Variants in PDE10A observed in about 807,000 individuals in gnomAD.
PDE10A encodes cAMP and cAMP-inhibited cGMP 3',5'-cyclic phosphodiesterase 10A.
PDE10A carries 39 observed loss-of-function variants against 97.7 expected under a neutral mutation model. The ratio of observed to expected loss-of-function variants is 0.40; its 90% CI spans 0.31 to 0.52. The LOEUF (loss-of-function observed/expected upper bound fraction) is 0.52, where lower values mean the gene tolerates loss of function less well. PDE10A is among the 20% of genes least tolerant of loss of function. PDE10A has a pLI of 0.56. For missense variants in PDE10A, 731 were observed against 1,047.8 expected (o/e 0.70, Z 4.17); for synonymous variants, 371 against 376.8 (o/e 0.98, Z 0.18).
intron 18 of PDE10A, among the ~76,000 whole-genome samples, chr6:165,369,507 AGCG>A (rs1228713339): frequency 8.7e-6 from 1 of 114,918 alleles, no homozygotes; most frequent in African/African-American, 4.2e-5. Context: ...AATGAAATGA[AGCG>A]AGAAGGAAGT....
chr6:165,641,454 T>C (rs1562652145), intron 1 of PDE10A, among the ~76,000 whole-genome samples: 1 of 152,216 alleles, frequency 6.6e-6, no homozygotes, highest in Non-Finnish European at 1.5e-5. Flanking sequence ...TAAAGGTTGA[T>C]GTCTGAACTA....
At chr6:165,837,146 A>G (rs1293762203) in intron 1 of PDE10A, among the ~76,000 whole-genome samples, 1 of 151,788 alleles carries the variant, frequency 6.6e-6, no homozygotes, top group African/African-American at 2.4e-5. Flanking sequence ...ACATGTATAC[A>G]TATGTAACTA....
intron 1 of PDE10A, among the ~76,000 whole-genome samples, chr6:165,616,385 C>G (rs1334595453): frequency 6.6e-6 from 1 of 152,144 alleles, no homozygotes; most frequent in Non-Finnish European, 1.5e-5. Flanking sequence ...CATGAAGTAG[C>G]TGCTCCTTGG....
intron 1 of PDE10A, among the ~76,000 whole-genome samples, chr6:165,690,853 G>C (rs998611910): frequency 6.6e-6 from 1 of 152,180 alleles, no homozygotes; most frequent in Non-Finnish European, 1.5e-5. Flanking sequence ...AGGTACATGA[G>C]GGTGCTTCTG....
At chr6:165,943,209 A>AGG (rs1783606668) in intron 1 of PDE10A, among the ~76,000 whole-genome samples, 5 of 87,810 alleles carry the variant, frequency 5.7e-5, no homozygotes, top group African/African-American at 1.1e-4. Flanking sequence ...GAAAGAAAGA[A>AGG]AGAAAGAAAG....
chr6:165,878,006 C>T (rs987877192), intron 1 of PDE10A, among the ~76,000 whole-genome samples: 3 of 152,104 alleles, frequency 2.0e-5, no homozygotes, highest in Admixed American at 2.0e-4. Context: ...TATGCAACAC[C>T]CTCCACTGCA....
intron 1 of PDE10A, among the ~76,000 whole-genome samples, chr6:165,941,171 C>A (rs1480299809): frequency 1.3e-5 from 2 of 152,160 alleles, no homozygotes; most frequent in Admixed American, 1.3e-4. Context: ...GGTATAGTAA[C>A]ATTTACACAC....
At chr6:165,458,299 C>T (rs992774081) in intron 3 of PDE10A, among the ~76,000 whole-genome samples, 1 of 152,046 alleles carries the variant, frequency 6.6e-6, no homozygotes, top group Admixed American at 6.6e-5. Context: ...AAATCTTAAC[C>T]CCCACTGTGA....
intron 7 of PDE10A, among the ~76,000 whole-genome samples, chr6:165,432,643 A>G (rs748232992): frequency 6.6e-6 from 1 of 152,232 alleles, no homozygotes; most frequent in Non-Finnish European, 1.5e-5. Flanking sequence ...AGAAAAAGAC[A>G]TTTTAAAGAA....
intron 2 of PDE10A, among the ~76,000 whole-genome samples, chr6:165,513,821 ATAC>A (rs941447249): frequency 1.3e-5 from 2 of 152,106 alleles, no homozygotes; most frequent in Non-Finnish European, 2.9e-5. Flanking sequence ...TTATGTAGAA[ATAC>A]TACTTATTTT....
At chr6:165,484,414 G>A (rs959209102) in intron 2 of PDE10A, among the ~76,000 whole-genome samples, 2 of 152,230 alleles carry the variant, frequency 1.3e-5, no homozygotes, top group African/African-American at 4.8e-5. Context: ...TACTGCCTGA[G>A]CTCCGCCTCC....
chr6:165,666,987 A>G (rs1179893334), upstream of PDE10A, among the ~76,000 whole-genome samples: 1 of 152,162 alleles, frequency 6.6e-6, no homozygotes, highest in Non-Finnish European at 1.5e-5. Context: ...AATTTCCATT[A>G]CTATTGATGT....
chr6:165,498,705 G>A (rs975269583), intron 2 of PDE10A, among the ~76,000 whole-genome samples: 1 of 152,084 alleles, frequency 6.6e-6, no homozygotes, highest in Non-Finnish European at 1.5e-5. Flanking sequence ...TTAGAATGAA[G>A]TTTAAAGTTG....
intron 1 of PDE10A, among the ~76,000 whole-genome samples, chr6:165,750,326 G>A (rs974997276): frequency 2.0e-5 from 3 of 152,190 alleles, no homozygotes; most frequent in Admixed American, 6.5e-5. Flanking sequence ...CAACTGAAAC[G>A]TGGAAAAGGA....
chr6:165,806,649 GC>G (rs11420041), intron 1 of PDE10A, among the ~76,000 whole-genome samples: 85 of 150,280 alleles, frequency 5.7e-4, no homozygotes, highest in African/African-American at 1.8e-3. Flanking sequence ...TCTGCTGAGC[GC>G]CCCCCCCCAG....
At chr6:165,798,694 T>C (rs1242221545) in intron 1 of PDE10A, among the ~76,000 whole-genome samples, 1 of 148,322 alleles carries the variant, frequency 6.7e-6, no homozygotes, top group Admixed American at 6.7e-5. Context: ...ATCATCGAGG[T>C]TAAATTTAAA....
At chr6:165,402,878 T>C (rs978337704) in intron 13 of PDE10A, among the ~76,000 whole-genome samples, 5 of 152,152 alleles carry the variant, frequency 3.3e-5, no homozygotes, top group African/African-American at 1.2e-4. Context: ...TCATTACACT[T>C]AGAAATGACT....
intron 3 of PDE10A, among the ~76,000 whole-genome samples, chr6:165,477,933 A>G (rs181427850): frequency 6.6e-6 from 1 of 152,178 alleles, no homozygotes; most frequent in Admixed American, 6.5e-5. Context: ...CATCTTCTCC[A>G]CCACTCAACA....
At position 165,711,156 on chromosome 6, in the gene PDE10A, G is replaced by A. The variant is rs937552689; in HGVS notation, c.-614-167588C>T. Reference sequence around the variant, plus strand: ...AAGCATGAAGGGGAGGCGGCTGGCTGGAGAGAACAACAGGGATATGACGTT... The same window carrying A: ...AAGCATGAAGGGGAGGCGGCTGGCTAGAGAGAACAACAGGGATATGACGTT... On this transcript the variant is annotated intron_variant, in intron 1 of 19. Coordinates refer to the PDE10A transcript ENST00000366882. This position sits in a 1 kb window ranked among gnomAD's most constrained non-coding sequence, Gnocchi z 4.5. 2.6e-4 allele frequency among the ~76,000 whole-genome samples: 40 copies of A among 152,336 alleles called. No homozygotes were observed. The highest frequency in any genetic ancestry group is 9.6e-4 in the African/African-American group (40 of 41,576).
Sources: allele counts gnomAD v4.1 joint callset (sites outside exome capture counted in the v4.1 genomes callset), GRCh38; gene constraint gnomAD v4.1.1; non-coding constraint Gnocchi (gnomAD v3.1); transcripts MANE v1.5; gene names NCBI Gene and HGNC (gene_info 2026-07-23, HGNC 2026-07-21).